Variants in TMEM132B observed in about 807,000 individuals in gnomAD.
TMEM132B encodes the protein transmembrane protein 132B.
A neutral mutation model predicts 90.8 loss-of-function variants in TMEM132B; 18 were observed. The ratio of observed to expected loss-of-function variants is 0.20; its 90% confidence interval spans 0.14 to 0.29. The LOEUF (loss-of-function observed/expected upper bound fraction) is 0.29. TMEM132B is among the 10% of genes least tolerant of loss of function. TMEM132B has a pLI of 1.00. For synonymous variants in TMEM132B, 504 were observed against 523.3 expected (o/e 0.96, Z 0.50); for missense variants, 1,096 against 1,326.8 (o/e 0.83, Z 2.70).
At chr12:125,322,975 G>GC (rs1373185439) in intron 1 of TMEM132B, among the ~76,000 whole-genome samples, 3 of 152,062 alleles carry the variant, frequency 2.0e-5, no homozygotes, top group Non-Finnish European at 4.4e-5. Flanking sequence ...TCGGTACCTT[G>GC]TTTTTTTCCA....
At chr12:125,302,614 T>C (rs1031093051) in intron 1 of TMEM132B, among the ~76,000 whole-genome samples, 2 of 152,174 alleles carry the variant, frequency 1.3e-5, no homozygotes, top group African/African-American at 4.8e-5. Flanking sequence ...ACTCTGGATT[T>C]TCGGTGCTTG....
chr12:125,591,947 G>T (rs1211000438), intron 5 of TMEM132B, among the ~76,000 whole-genome samples: 2 of 152,108 alleles, frequency 1.3e-5, no homozygotes, highest in Non-Finnish European at 2.9e-5. Flanking sequence ...CAGGTGCTGG[G>T]GGTTTCGACT....
chr12:125,581,824 TTACCCCACC>T (rs1212278999), intron 4 of TMEM132B, among the ~76,000 whole-genome samples: 2 of 152,064 alleles, frequency 1.3e-5, no homozygotes, highest in Non-Finnish European at 2.9e-5. Context: ...TTCCATATCA[TTACCCCACC>T]TAGGTGAGTT....
chr12:125,328,419 C>G (rs931665337), intron 1 of TMEM132B, among the ~76,000 whole-genome samples: 3 of 152,332 alleles, frequency 2.0e-5, no homozygotes, highest in Middle Eastern at 3.4e-3. Flanking sequence ...CTGTGTTAGT[C>G]TCCTGGGGCA....
intron 1 of TMEM132B, among the ~76,000 whole-genome samples, chr12:125,255,666 A>G (rs1874423399): frequency 6.6e-6 from 1 of 152,128 alleles, no homozygotes; most frequent in Non-Finnish European, 1.5e-5. Context: ...GGGATCTTGG[A>G]GCGAGGTCTC....
At chr12:125,197,544 C>A (rs111355883) in intron 1 of TMEM132B, among the ~76,000 whole-genome samples, 2 of 152,194 alleles carry the variant, frequency 1.3e-5, no homozygotes, top group Non-Finnish European at 2.9e-5. Context: ...TGGAACACAG[C>A]GGTGCCTATT....
intron 6 of TMEM132B, among the ~76,000 whole-genome samples, chr12:125,649,148 G>A (rs1028579358): frequency 6.6e-5 from 10 of 152,102 alleles, no homozygotes; most frequent in African/African-American, 2.4e-4. Flanking sequence ...AAATTGTTAT[G>A]CTATTGTGCT....
intron 1 of TMEM132B, among the ~76,000 whole-genome samples, chr12:125,188,867 A>AAAG (rs1555230832): frequency 1.3e-4 from 19 of 151,288 alleles, no homozygotes; most frequent in South Asian, 6.3e-4. Context: ...AAAAAAAAAA[A>AAAG]AAAAAAGAAA....
intron 5 of TMEM132B, among the ~76,000 whole-genome samples, chr12:125,619,467 C>A (rs1886070021): frequency 6.6e-6 from 1 of 152,072 alleles, no homozygotes; most frequent in Non-Finnish European, 1.5e-5. Flanking sequence ...CGGGTTCAAG[C>A]AATTCTTTTG....
chr12:125,654,921 C>A lies in TMEM132B; in HGVS notation c.*211C>A, dbSNP rs567128262. 3.0e-4 allele frequency: 169 copies of A among 559,134 alleles called. No homozygotes were observed. The highest frequency in any genetic ancestry group is 3.0e-3 in the African/African-American group (158 of 53,434). 34.6% of individuals were successfully genotyped at this position (559,134 alleles called of 1,614,324 possible). A position where few individuals can be genotyped will look rare whatever the true frequency, so the allele number is the denominator to read the frequency against. Reference sequence around the variant, plus strand: ...CCTCTAAAACAGCCACATGTGGGGACTGGAGAAATTCTAAGACAACAGTTT... The same window carrying A: ...CCTCTAAAACAGCCACATGTGGGGAATGGAGAAATTCTAAGACAACAGTTT... On this transcript the variant is annotated 3_prime_UTR_variant, in exon 9 of 9. Coordinates refer to ENST00000682704, the MANE Select transcript of TMEM132B (RefSeq NM_001366854.1). The surrounding 1 kb of genome is among the most constrained non-coding windows in gnomAD (Gnocchi z 5.8).
chr12:125,650,969 C>G lies in TMEM132B; in HGVS notation c.1914+16C>G. ...CACGGTGCAGGTACACGCCGCCATG[C>G]CTTGCCCAACAGCAGTCTGTGTTGA... On this transcript the variant is annotated intron_variant, in intron 7 of 8. Coordinates refer to ENST00000682704, the MANE Select transcript of TMEM132B (RefSeq NM_001366854.1). 1.9e-6 allele frequency: 3 copies of G among 1,611,020 alleles called. No individual in the cohort carries two copies. Among genetic ancestry groups the G allele is most frequent in the Non-Finnish European group, 2.5e-6 (3 of 1,179,214 alleles).
intron 3 of TMEM132B, among the ~76,000 whole-genome samples, chr12:125,506,091 A>C (rs757929203): frequency 2.0e-5 from 3 of 152,254 alleles, no homozygotes; most frequent in Non-Finnish European, 4.4e-5. Flanking sequence ...ATTCATTTTC[A>C]GTCTAGCCAA....
chr12:125,325,416 T>C (rs955493641), intron 1 of TMEM132B, among the ~76,000 whole-genome samples: 1 of 152,216 alleles, frequency 6.6e-6, no homozygotes. Flanking sequence ...GTTTTGGATC[T>C]AACTGTTTGG....
At chr12:125,193,013 G>A (rs1872832788) in intron 1 of TMEM132B, among the ~76,000 whole-genome samples, 1 of 152,112 alleles carries the variant, frequency 6.6e-6, no homozygotes, top group Non-Finnish European at 1.5e-5. Flanking sequence ...CCATTGTTGT[G>A]CTAACAACAA....
At chr12:125,400,577 C>T (rs1879291178) in intron 2 of TMEM132B, among the ~76,000 whole-genome samples, 1 of 152,202 alleles carries the variant, frequency 6.6e-6, no homozygotes, top group Non-Finnish European at 1.5e-5. Flanking sequence ...GGCCAGGCTC[C>T]TGCCCTCTGT....
intron 3 of TMEM132B, among the ~76,000 whole-genome samples, chr12:125,423,886 A>G (rs1880238816): frequency 1.3e-5 from 2 of 152,214 alleles, no homozygotes; most frequent in African/African-American, 4.8e-5. Flanking sequence ...ACATATTTTC[A>G]TGTCATTGAA....
chr12:125,303,683 A>G (rs1875888185), intron 1 of TMEM132B, among the ~76,000 whole-genome samples: 1 of 152,182 alleles, frequency 6.6e-6, no homozygotes, highest in African/African-American at 2.4e-5. Context: ...TATCCTAGTG[A>G]GTGTGAAGTG....
rs1555238359 is a variant in TMEM132B at position 125,307,951 on chromosome 12, GTA to G, written c.68-41491_68-41490del. Among the ~76,000 whole-genome samples, 18 of 130,100 alleles carry G rather than the reference GTA, an allele frequency of 1.4e-4. 1 individual carries two copies. The highest frequency in any genetic ancestry group is 2.4e-4 in the South Asian group (1 of 4,230). The allele number at this position is 130,100 out of a possible 152,430, so 85.4% of individuals were successfully genotyped here. A position where few individuals can be genotyped will look rare whatever the true frequency, so the allele number is the denominator to read the frequency against. ...TACTTAATATATACTTATATTACAAGTATATATATATTAAGTAATATAAGTAT... is the reference window on the plus strand; with the variant it reads ...TACTTAATATATACTTATATTACAAGTATATATATTAAGTAATATAAGTAT... On this transcript the variant is annotated intron_variant, in intron 1 of 8. Transcript: ENST00000682704.
At chr12:125,194,002 G>C (rs562001092) in intron 1 of TMEM132B, among the ~76,000 whole-genome samples, 68 of 152,304 alleles carry the variant, frequency 4.5e-4, no homozygotes, top group Non-Finnish European at 8.4e-4. Flanking sequence ...TTCTCTGCCG[G>C]CTGGGGGCAG....
Sources: allele counts gnomAD v4.1 joint callset (sites outside exome capture counted in the v4.1 genomes callset), GRCh38; gene constraint gnomAD v4.1.1; non-coding constraint Gnocchi (gnomAD v3.1); transcripts MANE v1.5; gene names NCBI Gene and HGNC (gene_info 2026-07-23, HGNC 2026-07-21).